Variants in OXCT1 observed in about 807,000 individuals in gnomAD.
OXCT1 encodes 3-oxoacid CoA-transferase 1.
A neutral mutation model predicts 69.6 loss-of-function variants in OXCT1; 27 were observed. The ratio of observed to expected loss-of-function variants is 0.39; its 90% CI spans 0.29 to 0.54. OXCT1 has a LOEUF of 0.54. Ranked by LOEUF, OXCT1 falls within the 20% of genes least tolerant of loss-of-function variation. The pLI, the probability that OXCT1 is intolerant of heterozygous loss-of-function variation, is 0.72. For synonymous variants in OXCT1, 202 were observed against 217.8 expected (o/e 0.93, Z 0.64); for missense variants, 437 against 650.2 (o/e 0.67, Z 3.57).
rs1187446832 is a variant in OXCT1 at position 41,870,422 on chromosome 5, C to T, written c.-64G>A. 1 of 1,284,056 alleles carries T rather than the reference C, an allele frequency of 7.8e-7. No homozygotes were observed. The highest frequency in any genetic ancestry group is 1.5e-5 in the African/African-American group (1 of 68,306). The allele number at this position is 1,284,056 out of a possible 1,614,324, so 79.5% of individuals were successfully genotyped here. On this transcript the variant is annotated 5_prime_UTR_variant, in exon 1 of 17. Transcript: ENST00000196371. The surrounding 1 kb of genome is among the most constrained non-coding windows in gnomAD (Gnocchi z 4.2). ...CGCGCGTTTGAGCGTCGGTGCGCGA[C>T]TGCGAAGGAAACCCGGGCGGGCTGG...
At chr5:41,862,084 G>A (rs888392351) in intron 2 of OXCT1, among the ~76,000 whole-genome samples, 2 of 152,166 alleles carry the variant, frequency 1.3e-5, no homozygotes, top group African/African-American at 2.4e-5. Context: ...GATGGTGGGT[G>A]CCTGTAATCC....
chr5:41,816,103 C>T (rs958904954), intron 7 of OXCT1, among the ~76,000 whole-genome samples: 1 of 152,118 alleles, frequency 6.6e-6, no homozygotes, highest in African/African-American at 2.4e-5. Context: ...GATGACTCAA[C>T]AGTCCCTAAA....
At chr5:41,766,645 A>C (rs578261762) in intron 13 of OXCT1, among the ~76,000 whole-genome samples, 88 of 151,802 alleles carry the variant, frequency 5.8e-4, no homozygotes, top group African/African-American at 2.1e-3. Context: ...TAAGGATTTT[A>C]CAAAAAGGAA....
At chr5:41,842,512 T>A (rs1055426147) in intron 6 of OXCT1, among the ~76,000 whole-genome samples, 163 bp downstream of exon 6, 7 of 152,190 alleles carry the variant, frequency 4.6e-5, no homozygotes, top group African/African-American at 1.7e-4. Flanking sequence ...CTCCCACAAG[T>A]GGACATACCA....
At chr5:41,732,267 C>G (rs990595150) in intron 16 of OXCT1, among the ~76,000 whole-genome samples, 2 of 152,002 alleles carry the variant, frequency 1.3e-5, no homozygotes, top group East Asian at 1.9e-4. Flanking sequence ...TAAATCTTAT[C>G]GGAAATTTCA....
intron 13 of OXCT1, among the ~76,000 whole-genome samples, chr5:41,777,656 C>G (rs763650732): frequency 2.6e-4 from 40 of 152,156 alleles, no homozygotes; most frequent in Admixed American, 1.4e-3. Flanking sequence ...ACACAGCAAG[C>G]CTAGAGATGT....
chr5:41,854,694 A>G (rs1388253051), intron 3 of OXCT1, among the ~76,000 whole-genome samples: 5 of 152,078 alleles, frequency 3.3e-5, no homozygotes, highest in African/African-American at 1.2e-4. Flanking sequence ...ATGGGGAAGT[A>G]TTTTTCGTAG....
At chr5:41,840,027 C>T (rs969716129) in intron 7 of OXCT1, among the ~76,000 whole-genome samples, 3 of 152,176 alleles carry the variant, frequency 2.0e-5, no homozygotes, top group Admixed American at 1.3e-4. Context: ...TGAATTGAAC[C>T]ACATCAAAGT....
At chr5:41,863,531 C>G (rs1561138638) in intron 1 of OXCT1, among the ~76,000 whole-genome samples, 1 of 152,154 alleles carries the variant, frequency 6.6e-6, no homozygotes, top group Non-Finnish European at 1.5e-5. Context: ...AAGCCTGGCG[C>G]TTTAAGTGAC....
chr5:41,806,077 TG>T (rs775293437), intron 8 of OXCT1, among the ~76,000 whole-genome samples: 1 of 152,046 alleles, frequency 6.6e-6, no homozygotes, highest in Non-Finnish European at 1.5e-5. Flanking sequence ...GTTTACCAGG[TG>T]TTGCTGCTGC....
Position 41,739,455 on chromosome 5 carries a change from G to A in OXCT1, c.1456C>T (p.Leu486=), listed in dbSNP as rs1743050926. Residue 486 remains leucine (L), a synonymous_variant, in exon 16 of 17, where the codon CTG becomes TTG. Coordinates refer to ENST00000196371, the MANE Select transcript of OXCT1 (RefSeq NM_000436.4). ...GTCAGGCCTTCCCAGAGCTCAATCA[G>A]AGTCAACCCTTTCTTCTTGTCCACA... ...FDVDKKKGLT[L]IELWEGLTVD... is the part of the protein sequence containing the mutation. 1 of 1,613,796 alleles carries A rather than the reference G, an allele frequency of 6.2e-7. No homozygotes were observed. Among genetic ancestry groups the A allele is most frequent in the Non-Finnish European group, 8.5e-7 (1 of 1,179,718 alleles).
At chr5:41,785,627 T>A (rs180952630) in intron 13 of OXCT1, among the ~76,000 whole-genome samples, 17 of 152,224 alleles carry the variant, frequency 1.1e-4, no homozygotes, top group Admixed American at 3.9e-4. Context: ...TTAGATGAGA[T>A]CTTGCTGTCT....
Position 41,784,354 on chromosome 5 carries a change from G to C in OXCT1, c.1248+9649C>G, listed in dbSNP as rs576769244. 5.3e-5 allele frequency among the ~76,000 whole-genome samples: 8 copies of C among 152,164 alleles called. No individual in the cohort carries two copies. The South Asian group carries it at 1.2e-3, about 24-fold the overall frequency. ...TTTGGGTGAAAGCTTAAAGAAAACG[G>C]GATGCAGAAGAACAAACATGCAAAT... On this transcript the variant is annotated intron_variant, in intron 13 of 16. Coordinates refer to ENST00000196371, the MANE Select transcript of OXCT1 (RefSeq NM_000436.4).
intron 15 of OXCT1, among the ~76,000 whole-genome samples, chr5:41,746,402 T>C (rs1043182639): frequency 1.3e-5 from 2 of 152,100 alleles, no homozygotes; most frequent in African/African-American, 4.8e-5. Flanking sequence ...TCTCTGGATC[T>C]GATAATGGCA....
At chr5:41,830,448 C>T (rs747524556) in intron 7 of OXCT1, among the ~76,000 whole-genome samples, 11 of 152,272 alleles carry the variant, frequency 7.2e-5, no homozygotes, top group African/African-American at 1.9e-4. Context: ...CCTCATTCTA[C>T]GTAGCTAACT....
At chr5:41,767,262 G>C (rs1214497397) in intron 13 of OXCT1, among the ~76,000 whole-genome samples, 1 of 152,014 alleles carries the variant, frequency 6.6e-6, no homozygotes, top group Non-Finnish European at 1.5e-5. Context: ...ACCAAAAAAA[G>C]TTATTTTCAA....
At chr5:41,855,956 C>A (rs1401556502) in intron 3 of OXCT1, among the ~76,000 whole-genome samples, 1 of 152,104 alleles carries the variant, frequency 6.6e-6, no homozygotes, top group African/African-American at 2.4e-5. Flanking sequence ...AGATAGACAG[C>A]TTTGCAAAGA....
At chr5:41,760,957 G>A (rs1004835778) in intron 14 of OXCT1, among the ~76,000 whole-genome samples, 1 of 152,046 alleles carries the variant, frequency 6.6e-6, no homozygotes, top group Non-Finnish European at 1.5e-5. Context: ...TTCTAGTTCC[G>A]TGCTTTAACA....
chr5:41,748,832 G>C (rs1743631982), intron 15 of OXCT1, among the ~76,000 whole-genome samples: 1 of 152,010 alleles, frequency 6.6e-6, no homozygotes, highest in Non-Finnish European at 1.5e-5. Flanking sequence ...GCTTCTTCAA[G>C]GTACTGAATC....
Sources: gnomAD v4.1 joint callset for allele counts (sites outside exome capture counted in the v4.1 genomes callset) on GRCh38, gnomAD v4.1.1 for gene constraint, Gnocchi (gnomAD v3.1) non-coding constraint, MANE v1.5 for transcripts, NCBI Gene and HGNC (gene_info 2026-07-23, HGNC 2026-07-21) for gene names.